The following PRRX1 variants were observed in gnomAD, a reference collection of about 807,000 sequenced individuals.
PRRX1 encodes the protein paired related homeobox 1.
A neutral mutation model predicts 24.0 loss-of-function variants in PRRX1; 8 were observed. The ratio of observed to expected loss-of-function variants is 0.33; its 90% CI spans 0.20 to 0.60. The LOEUF (loss-of-function observed/expected upper bound fraction) is 0.60, where lower values mean the gene tolerates loss of function less well. Among genes scored for constraint, PRRX1 ranks in the 20% least tolerant of loss-of-function variants. The probability of loss-of-function intolerance (pLI) is 0.82; values close to 1 mark genes in which losing one functional copy is unlikely to be tolerated. For missense variants in PRRX1, 281 were observed against 322.4 expected, an observed-to-expected ratio of 0.87 and a Z score of 0.98; for synonymous variants, 160 against 131.7, an observed-to-expected ratio of 1.22 and a Z score of -1.47.
At chr1:170,665,916 C>T (rs759449003) in intron 1 of PRRX1, among the ~76,000 whole-genome samples, 1 of 152,220 alleles carries the variant, frequency 6.6e-6, no homozygotes, top group Non-Finnish European at 1.5e-5. Flanking sequence ...AGGTGGCCAA[C>T]TCTGAGGAAT....
chr1:170,736,544 CTA>C lies in PRRX1; in HGVS notation c.*384_*385del, dbSNP rs61148079. On this transcript the variant is annotated 3_prime_UTR_variant, in exon 4 of 4. Transcript: ENST00000239461. ...AAAAAAACTACAGCAGCCAAAGAAACTATATATATATATATATATATATATAT... is the reference window on the plus strand; with the variant it reads ...AAAAAAACTACAGCAGCCAAAGAAACTATATATATATATATATATATATAT... The C allele has an allele frequency of 0.019, 4,337 of 227,324 alleles. 157 individuals are homozygous for C. The highest frequency in any genetic ancestry group is 0.084 in the African/African-American group (3,459 of 41,124). 14.1% of individuals were successfully genotyped at this position (227,324 alleles called of 1,614,324 possible).
intron 1 of PRRX1, among the ~76,000 whole-genome samples, chr1:170,670,297 A>C (rs2101884378): frequency 6.6e-6 from 1 of 152,370 alleles, no homozygotes; most frequent in South Asian, 2.1e-4. Flanking sequence ...ATGTATCCAC[A>C]AGAATTTGGA....
chr1:170,694,142 A>G (rs1156414547), intron 1 of PRRX1, among the ~76,000 whole-genome samples: 1 of 152,096 alleles, frequency 6.6e-6, no homozygotes, highest in Non-Finnish European at 1.5e-5. Context: ...CAGCACCATA[A>G]GGTTTCAGTT....
chr1:170,730,425 G>T (rs959809717), intron 3 of PRRX1: 7 of 1,277,368 alleles, frequency 5.5e-6, no homozygotes, highest in Middle Eastern at 1.9e-4. Context: ...TAAGAAAGTG[G>T]GGGTTGCAGT....
intron 1 of PRRX1, chr1:170,668,859 C>A (rs1478530655): frequency 6.6e-6 from 1 of 152,050 alleles, no homozygotes; most frequent in African/African-American, 2.4e-5. Flanking sequence ...AAGAGGGGAG[C>A]CAATGAAATA....
In PRRX1 at chr1:170,736,643, T is replaced by C. The variant is rs752754057; in HGVS notation, c.*457T>C. 5 of 201,216 alleles carry C rather than the reference T, an allele frequency of 2.5e-5. No individual in the cohort carries two copies. The highest frequency in any genetic ancestry group is 4.2e-5 in the Non-Finnish European group (4 of 96,330). The allele number at this position is 201,216 out of a possible 1,614,324, so 12.5% of individuals were successfully genotyped here. Reference sequence around the variant, plus strand: ...GTGCCTTACCCTGTCCTCTTCCCAGTTCTCTTTATAGAAGCTCTAGGAGCT... The same window carrying C: ...GTGCCTTACCCTGTCCTCTTCCCAGCTCTCTTTATAGAAGCTCTAGGAGCT... On this transcript the variant is annotated 3_prime_UTR_variant, in exon 4 of 4. Coordinates refer to ENST00000239461, the MANE Select transcript of PRRX1 (RefSeq NM_022716.4).
chr1:170,715,609 G>T (rs527303194), intron 1 of PRRX1, among the ~76,000 whole-genome samples: 1 of 152,278 alleles, frequency 6.6e-6, no homozygotes, highest in East Asian at 1.9e-4. Context: ...CATCTCCTAT[G>T]ATTGTGGGAG....
chr1:170,701,312 A>G (rs1291983054), intron 1 of PRRX1, among the ~76,000 whole-genome samples: 1 of 152,226 alleles, frequency 6.6e-6, no homozygotes, highest in Non-Finnish European at 1.5e-5. Flanking sequence ...CTTGTGGGAA[A>G]GATTGACCTT....
rs188229975 is a variant in PRRX1, at chr1:170,737,494, G to T, written c.*1308G>T. On this transcript the variant is annotated 3_prime_UTR_variant, in exon 4 of 4. Transcript: ENST00000239461. ...ATCTATCATGGGAATTGCAGTTAGA[G>T]AGAGTAAGGAATACCATTTAGTCAT... 16 of 205,468 alleles carry T rather than the reference G, an allele frequency of 7.8e-5. No individual in the cohort carries two copies. The highest frequency in any genetic ancestry group is 3.6e-4 in the African/African-American group (16 of 43,890). 12.7% of individuals were successfully genotyped at this position (205,468 alleles called of 1,614,324 possible).
chr1:170,698,599 G>A (rs1292887413), intron 1 of PRRX1, among the ~76,000 whole-genome samples: 1 of 152,082 alleles, frequency 6.6e-6, no homozygotes, highest in East Asian at 1.9e-4. Flanking sequence ...CAGCTGAGAG[G>A]AGTAACACCG....
chr1:170,685,327 C>A (rs1351634636), intron 1 of PRRX1, among the ~76,000 whole-genome samples: 1 of 152,122 alleles, frequency 6.6e-6, no homozygotes, highest in Admixed American at 6.5e-5. Context: ...GGTGAGGCCA[C>A]AGCCTGGGAA....
chr1:170,670,082 C>A (rs993619851), intron 1 of PRRX1, among the ~76,000 whole-genome samples: 1 of 152,084 alleles, frequency 6.6e-6, no homozygotes, highest in Non-Finnish European at 1.5e-5. Flanking sequence ...AAATTACAGG[C>A]AATGTTTGGA....
chr1:170,690,966 G>A (rs1653926378), intron 1 of PRRX1, among the ~76,000 whole-genome samples: 1 of 152,076 alleles, frequency 6.6e-6, no homozygotes, highest in African/African-American at 2.4e-5. Context: ...CCAAAGAGAA[G>A]GTACTCGTGG....
chr1:170,707,941 A>G (rs1057455720), intron 1 of PRRX1, among the ~76,000 whole-genome samples: 1 of 152,218 alleles, frequency 6.6e-6, no homozygotes, highest in African/African-American at 2.4e-5. Flanking sequence ...TCATATTGGA[A>G]ACAGATGCCA....
At chr1:170,669,348 T>C (rs559673844) in intron 1 of PRRX1, 1 of 140,520 alleles carries the variant, frequency 7.1e-6, no homozygotes, top group Non-Finnish European at 1.5e-5. Context: ...TTCCCAGGAG[T>C]GTCATTTTAG....
At chr1:170,714,735 C>T (rs1040781132) in intron 1 of PRRX1, among the ~76,000 whole-genome samples, 4 of 152,140 alleles carry the variant, frequency 2.6e-5, no homozygotes, top group African/African-American at 9.7e-5. Context: ...GGTCCCCATG[C>T]TTGAGGATGG....
chr1:170,718,770 G>A (rs138071083), intron 1 of PRRX1, among the ~76,000 whole-genome samples: 213 of 152,286 alleles, frequency 1.4e-3, no homozygotes, highest in African/African-American at 4.9e-3. Context: ...AGCACAGCTG[G>A]TATTCCATTC....
At chr1:170,725,110 T>G (rs932810331) in intron 2 of PRRX1, among the ~76,000 whole-genome samples, 1 of 152,156 alleles carries the variant, frequency 6.6e-6, no homozygotes, top group Non-Finnish European at 1.5e-5. Flanking sequence ...GGAATACTTG[T>G]GATTTTTGCA....
rs545788451 is a variant in PRRX1 at position 170,725,654 on chromosome 1, T to A, written c.418-566T>A. Among the ~76,000 whole-genome samples, 10 of 152,316 alleles carry A rather than the reference T, an allele frequency of 6.6e-5. No homozygotes were observed. In the East Asian group the frequency reaches 1.9e-3, roughly 29 times the overall value. On this transcript the variant is annotated intron_variant, in intron 2 of 3. Coordinates refer to ENST00000239461, the MANE Select transcript of PRRX1 (RefSeq NM_022716.4). ...AGATAGCTGGTTTAGTAGTACACCC[T>A]TTAGTGGTTGCCTTTTCATCTCTGT...
Sources: allele counts gnomAD v4.1 joint callset (sites outside exome capture counted in the v4.1 genomes callset), GRCh38; gene constraint gnomAD v4.1.1; transcripts MANE v1.5; gene names NCBI Gene and HGNC (gene_info 2026-07-23, HGNC 2026-07-21).